FER: variants seen among roughly 807,000 people sequenced by gnomAD.
FER encodes the protein tyrosine-protein kinase Fer.
A neutral mutation model predicts 111.0 loss-of-function variants in FER; 63 were observed. The observed-to-expected ratio is 0.57, with a 90% CI of 0.46 to 0.70. FER has a LOEUF of 0.70. Ranked by LOEUF, FER falls within the 30% of genes least tolerant of loss-of-function variation. The probability of loss-of-function intolerance (pLI) is 0.00; values close to 1 mark genes in which losing one functional copy is unlikely to be tolerated. For synonymous variants in FER, 327 were observed against 313.9 expected, an observed-to-expected ratio of 1.04 and a Z score of -0.44; for missense variants, 914 against 954.0, an observed-to-expected ratio of 0.96 and a Z score of 0.55.
chr5:108,992,602 C>T (rs113841937), intron 13 of FER, among the ~76,000 whole-genome samples: 2 of 150,528 alleles, frequency 1.3e-5, no homozygotes, highest in African/African-American at 2.4e-5. Flanking sequence ...CCCTTACCTC[C>T]CAGATGGGGC....
chr5:108,905,747 G>C (rs1750669600), intron 10 of FER, among the ~76,000 whole-genome samples: 1 of 152,062 alleles, frequency 6.6e-6, no homozygotes, highest in African/African-American at 2.4e-5. Flanking sequence ...GTGTTTAGCA[G>C]TACCTATATA....
chr5:108,883,032 G>T (rs1449055270), intron 8 of FER, among the ~76,000 whole-genome samples: 1 of 151,864 alleles, frequency 6.6e-6, no homozygotes, highest in Non-Finnish European at 1.5e-5. Context: ...GATAACATCT[G>T]CAAATAATAC....
intron 13 of FER, among the ~76,000 whole-genome samples, chr5:109,025,652 A>G (rs1768611197): frequency 6.6e-6 from 1 of 151,380 alleles, no homozygotes; most frequent in Non-Finnish European, 1.5e-5. Context: ...AACTTCCAAC[A>G]CTATGTTGAA....
At chr5:108,798,614 G>C (rs190407897) in intron 3 of FER, among the ~76,000 whole-genome samples, 1 of 152,264 alleles carries the variant, frequency 6.6e-6, no homozygotes, top group Non-Finnish European at 1.5e-5. Context: ...TTGGAAGGCT[G>C]AGGCAGCAAC....
intron 1 of FER, among the ~76,000 whole-genome samples, chr5:108,764,124 A>G (rs752426023): frequency 6.6e-6 from 1 of 152,136 alleles, no homozygotes; most frequent in Non-Finnish European, 1.5e-5. Context: ...GATCAATGCC[A>G]CCCAAACCGT....
At position 108,871,471 on chromosome 5, in the gene FER, A is replaced by G. The variant is rs140381149; in HGVS notation, c.772A>G (p.Thr258Ala). 1.1e-5 allele frequency: 18 copies of G among 1,608,818 alleles called. No homozygotes were observed. The highest frequency in any genetic ancestry group is 2.2e-5 in the East Asian group (1 of 44,658). The change falls in exon 7 of 20, where the codon ACA (threonine) becomes GCA (alanine). Residue 258 changes from threonine to alanine, a missense_variant. By Grantham distance (58) the Thr-to-Ala change is moderately conservative (BLOSUM62 0). Around this residue, in one of 3 missense-constraint regions of FER, gnomAD observed 774 missense variants for 782.6 expected, o/e 0.99. Transcript: ENST00000281092. ...GTCGGTTGAACAGATAGATCCTAGT[A>G]CAGAATACAATAATTTCATAGATGT... ...QMSVEQIDPSTEYNNFIDVHR... is the reference protein window; with the variant it reads ...QMSVEQIDPSAEYNNFIDVHR...
At chr5:108,943,944 G>T (rs953692308) in intron 10 of FER, among the ~76,000 whole-genome samples, 1 of 151,976 alleles carries the variant, frequency 6.6e-6, no homozygotes, top group Non-Finnish European at 1.5e-5. Flanking sequence ...GTGTTGCCGA[G>T]GCTGGTATCA....
intron 3 of FER, among the ~76,000 whole-genome samples, chr5:108,822,003 C>T (rs925908297): frequency 2.6e-5 from 4 of 152,114 alleles, no homozygotes; most frequent in African/African-American, 9.7e-5. Flanking sequence ...AAAATGTCCC[C>T]ATTTTCTTCA....
chr5:109,002,486 A>G (rs1247818725), intron 13 of FER, among the ~76,000 whole-genome samples: 3 of 151,940 alleles, frequency 2.0e-5, no homozygotes, highest in African/African-American at 7.3e-5. Context: ...GATGGATTAA[A>G]GACTTAAACG....
At chr5:108,881,083 C>A (rs990903185) in intron 8 of FER, among the ~76,000 whole-genome samples, 5 of 152,164 alleles carry the variant, frequency 3.3e-5, no homozygotes, top group Non-Finnish European at 7.4e-5. Flanking sequence ...TCGCACACCT[C>A]TCAGAGTATT....
At chr5:109,045,922 A>G (rs917475443) in intron 15 of FER, among the ~76,000 whole-genome samples, 9 of 152,206 alleles carry the variant, frequency 5.9e-5, no homozygotes, top group Admixed American at 5.9e-4. Context: ...GTTCTAACCA[A>G]TTTCAGCCAG....
intron 17 of FER, among the ~76,000 whole-genome samples, chr5:109,151,273 G>A (rs1207386596): frequency 6.6e-6 from 1 of 152,080 alleles, no homozygotes; most frequent in Non-Finnish European, 1.5e-5. Context: ...GTTAAATTCA[G>A]ATGAATTGTT....
At chr5:109,134,065 T>C (rs1212502602) in intron 17 of FER, among the ~76,000 whole-genome samples, 2 of 152,134 alleles carry the variant, frequency 1.3e-5, no homozygotes, top group African/African-American at 4.8e-5. Context: ...AATACATTAG[T>C]TCCTAAGTAT....
chr5:109,006,741 C>G (rs1336648969), intron 13 of FER, among the ~76,000 whole-genome samples: 1 of 151,984 alleles, frequency 6.6e-6, no homozygotes, highest in Admixed American at 6.6e-5. Context: ...AAATTGTAAT[C>G]TAAGTTTTTG....
At chr5:108,951,283 T>C (rs1757708352) in intron 11 of FER, among the ~76,000 whole-genome samples, 1 of 151,772 alleles carries the variant, frequency 6.6e-6, no homozygotes, top group South Asian at 2.1e-4. Flanking sequence ...AAAATAAAAA[T>C]AAATTTCTAG....
chr5:108,776,451 A>C (rs1057139328), intron 2 of FER, among the ~76,000 whole-genome samples: 1 of 152,176 alleles, frequency 6.6e-6, no homozygotes, highest in African/African-American at 2.4e-5. Context: ...TTAGGTAAAA[A>C]CAATATTTCC....
chr5:109,007,410 C>T (rs965024344), intron 13 of FER, among the ~76,000 whole-genome samples: 5 of 152,026 alleles, frequency 3.3e-5, no homozygotes, highest in African/African-American at 1.2e-4. Context: ...TTTACCACCA[C>T]AGTCAAATTA....
intron 17 of FER, among the ~76,000 whole-genome samples, chr5:109,130,083 T>G (rs1423032934): frequency 6.6e-6 from 1 of 151,948 alleles, no homozygotes; most frequent in Non-Finnish European, 1.5e-5. Context: ...TTTATACTTA[T>G]GCTTCCTTTC....
intron 16 of FER, chr5:109,052,362 G>C: frequency 1.3e-6 from 2 of 1,584,528 alleles, no homozygotes; most frequent in Non-Finnish European, 1.7e-6. Context: ...GCAGGATTTG[G>C]AAAATGAAAA....
Sources: gnomAD v4.1 joint callset for allele counts (sites outside exome capture counted in the v4.1 genomes callset) on GRCh38, gnomAD v4.1.1 for gene constraint, gnomAD v4.1.1 regional missense constraint, MANE v1.5 for transcripts, NCBI Gene and HGNC (gene_info 2026-07-23, HGNC 2026-07-21) for gene names.